The following IGDCC3 variants were observed in gnomAD, a reference collection of about 807,000 sequenced individuals.
IGDCC3 encodes putative neuronal cell adhesion molecule.
A neutral mutation model predicts 72.0 loss-of-function variants in IGDCC3; 47 were observed. The observed-to-expected ratio is 0.65, with a 90% CI of 0.52 to 0.83. The LOEUF (loss-of-function observed/expected upper bound fraction) is 0.83. IGDCC3 is among the 40% of genes least tolerant of loss of function. The pLI is 0.00. For synonymous variants in IGDCC3, 477 were observed against 472.8 expected (o/e 1.01, Z -0.11); for missense variants, 1,038 against 1,091.3 (o/e 0.95, Z 0.69).
intron 2 of IGDCC3, among the ~76,000 whole-genome samples, chr15:65,338,463 A>G (rs2091050288): frequency 6.6e-6 from 1 of 152,174 alleles, no homozygotes; most frequent in Non-Finnish European, 1.5e-5. Context: ...GTAACTGCAG[A>G]GTGGACTGCA....
rs374473042 is a variant in IGDCC3 at position 65,329,054 on chromosome 15, G to A, written c.2300C>T (p.Ala767Val). 4.1e-5 allele frequency: 66 copies of A among 1,611,722 alleles called. No homozygotes were observed. The highest frequency in any genetic ancestry group is 5.4e-5 in the Non-Finnish European group (64 of 1,179,194). ...GGGAGCCGTGGCCTCTGTGGTCTTCGCCTCCGTCGTCTTCCCCTCCATCAG... is the reference window on the plus strand; with the variant it reads ...GGGAGCCGTGGCCTCTGTGGTCTTCACCTCCGTCGTCTTCCCCTCCATCAG... ...CGLMEGKTTEAKTTEATAPCA... is the reference protein window; with the variant it reads ...CGLMEGKTTEVKTTEATAPCA... Residue 767 changes from alanine (A) to valine (V), a missense_variant, in exon 14 of 14, where the codon GCG becomes GTG. Coordinates refer to ENST00000327987, the MANE Select transcript of IGDCC3 (RefSeq NM_004884.4). The surrounding 1 kb of genome is among the most constrained non-coding windows in gnomAD (Gnocchi z 4.1).
At chr15:65,334,934 C>G in intron 4 of IGDCC3, 69 bp from the exon 5 acceptor site, 1 of 1,515,332 alleles carries the variant, frequency 6.6e-7, no homozygotes, top group Non-Finnish European at 8.9e-7. Context: ...CCACCCACAG[C>G]CCAGGACACA....
intron 2 of IGDCC3, among the ~76,000 whole-genome samples, chr15:65,366,354 G>A (rs1169707639): frequency 3.3e-5 from 5 of 152,152 alleles, no homozygotes; most frequent in Non-Finnish European, 7.3e-5. Flanking sequence ...GGGCAGCAGA[G>A]TGAGATCCTA....
chr15:65,345,556 A>ACGCG (rs199833627), intron 2 of IGDCC3, among the ~76,000 whole-genome samples: 2 of 149,408 alleles, frequency 1.3e-5, no homozygotes, highest in African/African-American at 5.1e-5. Context: ...CCTGTCTCAC[A>ACGCG]CGCACACACA....
At chr15:65,358,647 T>A (rs1218759483) in intron 2 of IGDCC3, among the ~76,000 whole-genome samples, 1 of 149,286 alleles carries the variant, frequency 6.7e-6, no homozygotes, top group East Asian at 2.0e-4. Flanking sequence ...TCAATACTTT[T>A]AACTGAAAAA....
intron 2 of IGDCC3, among the ~76,000 whole-genome samples, chr15:65,365,769 C>T (rs1290120214): frequency 1.3e-5 from 2 of 152,320 alleles, no homozygotes; most frequent in East Asian, 1.9e-4. Context: ...GGAACTCTCA[C>T]AAAACTGAAG....
At chr15:65,372,777 C>T (rs926553657) in intron 2 of IGDCC3, among the ~76,000 whole-genome samples, 1 of 152,166 alleles carries the variant, frequency 6.6e-6, no homozygotes, top group South Asian at 2.1e-4. Flanking sequence ...GGCAGGCACA[C>T]GGGCAGGGAG....
At chr15:65,344,278 A>C (rs984303997) in intron 2 of IGDCC3, among the ~76,000 whole-genome samples, 1 of 152,038 alleles carries the variant, frequency 6.6e-6, no homozygotes, top group South Asian at 2.1e-4. Context: ...GACTTTGCCT[A>C]GTGACCCTGC....
In IGDCC3 at chr15:65,335,323, C is replaced by T. The variant is rs960932894; in HGVS notation, c.653G>A (p.Arg218Gln). 9 of 1,613,210 alleles carry T rather than the reference C, an allele frequency of 5.6e-6. No individual in the cohort carries two copies. The highest frequency in any genetic ancestry group is 2.2e-5 in the East Asian group (1 of 44,890). ...AGTGAGCCTGGCCCCGTGGCTGATC[C>T]GGATACTGGCGATGTTTGAGGCCAC... is the stretch of plus-strand genomic sequence containing the variant. ...HCVASNIASI[R>Q]ISHGARLTVS... Residue 218 changes from arginine to glutamine, a missense_variant, in exon 4 of 14, where the codon CGG becomes CAG. Transcript: ENST00000327987.
intron 2 of IGDCC3, among the ~76,000 whole-genome samples, chr15:65,362,663 C>T (rs1049782861): frequency 3.3e-5 from 5 of 152,014 alleles, no homozygotes; most frequent in African/African-American, 7.3e-5. Flanking sequence ...TGCCCCCTCC[C>T]ATTTTCCACA....
intron 2 of IGDCC3, among the ~76,000 whole-genome samples, chr15:65,340,475 C>T (rs1205262568): frequency 2.6e-5 from 4 of 152,170 alleles, no homozygotes; most frequent in Non-Finnish European, 5.9e-5. Flanking sequence ...TGCCGGCTGT[C>T]CCCACCTCAT....
At chr15:65,354,479 C>G (rs1169383771) in intron 2 of IGDCC3, among the ~76,000 whole-genome samples, 1 of 152,186 alleles carries the variant, frequency 6.6e-6, no homozygotes, top group African/African-American at 2.4e-5. Context: ...AGAATTCATT[C>G]CTAACTCTAA....
At position 65,377,831 on chromosome 15, in the gene IGDCC3, G is replaced by A; in HGVS notation, c.-43C>T. 1 of 1,150,356 alleles carries A rather than the reference G, an allele frequency of 8.7e-7. No homozygotes were observed. Among genetic ancestry groups the A allele is most frequent in the East Asian group, 4.2e-5 (1 of 23,924 alleles). 71.3% of individuals were successfully genotyped at this position (1,150,356 alleles called of 1,614,324 possible). On this transcript the variant is annotated 5_prime_UTR_variant, in exon 1 of 14. Transcript: ENST00000327987. This position sits in a 1 kb window ranked among gnomAD's most constrained non-coding sequence, Gnocchi z 4.9. Reference sequence around the variant, plus strand: ...CGGCTCGGCGACGCGCGGCTCCCGGGCCTCTCGCGGCTCACAGCGTCCCGC... The same window carrying A: ...CGGCTCGGCGACGCGCGGCTCCCGGACCTCTCGCGGCTCACAGCGTCCCGC...
At chr15:65,360,105 G>A (rs2091250945) in intron 2 of IGDCC3, among the ~76,000 whole-genome samples, 1 of 152,176 alleles carries the variant, frequency 6.6e-6, no homozygotes, top group South Asian at 2.1e-4. Context: ...AGATATACTT[G>A]CTATTCCAGC....
chr15:65,343,720 T>C (rs1048068485), intron 2 of IGDCC3, among the ~76,000 whole-genome samples: 1 of 152,182 alleles, frequency 6.6e-6, no homozygotes, highest in Admixed American at 6.5e-5. Flanking sequence ...AGAGTGCTAG[T>C]GGGGCACAGC....
chr15:65,366,532 AG>A, intron 2 of IGDCC3, among the ~76,000 whole-genome samples: 1 of 151,874 alleles, frequency 6.6e-6, no homozygotes, highest in East Asian at 2.0e-4. Flanking sequence ...AGGAAGGCAG[AG>A]GGGGCAGCAG....
intron 2 of IGDCC3, among the ~76,000 whole-genome samples, chr15:65,352,990 G>A (rs2091183719): frequency 1.3e-5 from 2 of 152,150 alleles, no homozygotes; most frequent in South Asian, 2.1e-4. Context: ...AGAGGGATGG[G>A]TAATGTAAAA....
chr15:65,358,887 G>A (rs1330616027), intron 2 of IGDCC3, among the ~76,000 whole-genome samples: 4 of 152,142 alleles, frequency 2.6e-5, no homozygotes, highest in East Asian at 1.9e-4. Flanking sequence ...GTGGAGTGGC[G>A]CGATCTTGGC....
chr15:65,370,048 C>T (rs924535845), intron 2 of IGDCC3, among the ~76,000 whole-genome samples: 11 of 152,246 alleles, frequency 7.2e-5, no homozygotes, highest in East Asian at 5.8e-4. Context: ...CTTATTGAGG[C>T]GGAGAGAGCA....
Sources: allele counts gnomAD v4.1 joint callset (sites outside exome capture counted in the v4.1 genomes callset), GRCh38; gene constraint gnomAD v4.1.1; non-coding constraint Gnocchi (gnomAD v3.1); transcripts MANE v1.5; gene names NCBI Gene and HGNC (gene_info 2026-07-23, HGNC 2026-07-21).